The following COMMD10 variants were observed in gnomAD, a reference collection of about 807,000 sequenced individuals.
COMMD10 encodes the protein COMM domain containing 10.
COMMD10 carries 33 observed loss-of-function variants against 28.9 expected under a neutral mutation model. The ratio of observed to expected loss-of-function variants is 1.14; its 90% CI spans 0.87 to 1.53. COMMD10 has a LOEUF of 1.53. Among genes scored for constraint, COMMD10 ranks in the 40% most tolerant of loss-of-function variants. COMMD10 has a pLI of 0.00. For missense variants in COMMD10, 310 were observed against 233.4 expected, an observed-to-expected ratio of 1.33 and a Z score of -2.14; for synonymous variants, 110 against 81.7, an observed-to-expected ratio of 1.35 and a Z score of -1.87.
intron 5 of COMMD10, among the ~76,000 whole-genome samples, chr5:116,208,184 T>A (rs913031195): frequency 1.3e-5 from 2 of 152,184 alleles, no homozygotes; most frequent in Non-Finnish European, 2.9e-5. Flanking sequence ...TTGGCACTGA[T>A]GTTAGAAAAG....
intron 1 of COMMD10, chr5:116,085,732 C>G (rs919570493): frequency 2.0e-5 from 3 of 152,082 alleles, no homozygotes; most frequent in Non-Finnish European, 4.4e-5. Context: ...TAAAAAAAGA[C>G]TCAATTTGTG....
chr5:116,098,841 CAA>C (rs1490273217), intron 4 of COMMD10, among the ~76,000 whole-genome samples: 1 of 151,792 alleles, frequency 6.6e-6, no homozygotes, highest in Non-Finnish European at 1.5e-5. Flanking sequence ...AATTGATAAA[CAA>C]AAATTATGCG....
At chr5:116,270,921 G>A (rs959398603) in intron 5 of COMMD10, among the ~76,000 whole-genome samples, 1 of 151,520 alleles carries the variant, frequency 6.6e-6, no homozygotes, top group African/African-American at 2.4e-5. Flanking sequence ...CATGGGCAAC[G>A]AGCAAAACTC....
intron 5 of COMMD10, among the ~76,000 whole-genome samples, chr5:116,169,809 C>G (rs1292905338): frequency 6.6e-6 from 1 of 152,096 alleles, no homozygotes. Flanking sequence ...TAAAAACACT[C>G]AATAAACTAG....
At chr5:116,147,249 A>G (rs78466954) in intron 5 of COMMD10, among the ~76,000 whole-genome samples, 4,372 of 152,020 alleles carry the variant, frequency 0.029, 105 homozygotes, top group East Asian at 0.14. Context: ...TGATATTCAT[A>G]AAGCAGTGGG....
chr5:116,291,429 A>T (rs538575448), intron 5 of COMMD10, 88 bp from the exon 6 acceptor site: 2 of 891,594 alleles, frequency 2.2e-6, no homozygotes, highest in Non-Finnish European at 3.6e-6. Context: ...GGACAATCTT[A>T]TGTCATATTC....
In COMMD10 at chr5:116,116,584, G is replaced by A. The variant is rs112093365; in HGVS notation, c.400-17484G>A. ...TGTTACTTTAGTTTCGGTATGTTAT[G>A]TAAAAGGCATAGGTTTTCTGTATGC... is the stretch of plus-strand genomic sequence containing the variant. On this transcript the variant is annotated intron_variant, in intron 4 of 6. Transcript: ENST00000274458. Among the ~76,000 whole-genome samples, 1,259 of 152,190 alleles carry A rather than the reference G, an allele frequency of 8.3e-3. 23 individuals carry two copies. Among genetic ancestry groups the A allele is most frequent in the African/African-American group, 0.028 (1,171 of 41,522 alleles).
intron 5 of COMMD10, among the ~76,000 whole-genome samples, chr5:116,265,646 A>T (rs1228114461): frequency 6.6e-6 from 1 of 151,828 alleles, no homozygotes; most frequent in Non-Finnish European, 1.5e-5. Flanking sequence ...GTACATGTGG[A>T]ACATAAAAAA....
chr5:116,276,815 T>C (rs769501163), intron 5 of COMMD10, among the ~76,000 whole-genome samples: 14 of 151,660 alleles, frequency 9.2e-5, no homozygotes, highest in Non-Finnish European at 1.8e-4. Flanking sequence ...AGTAAGCAAA[T>C]CTGTTAGAAC....
rs1171658823 is a variant in COMMD10, at chr5:116,102,278, A to G, written c.399+9578A>G. Among the ~76,000 whole-genome samples the G allele has an allele frequency of 3.3e-5, 5 of 152,160 alleles. 1 individual carries two copies. Among genetic ancestry groups the G allele is most frequent in the African/African-American group, 1.2e-4 (5 of 41,424 alleles). ...TAGTCTCATTCTTCTGCTTTTGGCA[A>G]TGCAGTTTTCTCAGCACCATTTATT... On this transcript the variant is annotated intron_variant, in intron 4 of 6. Coordinates refer to ENST00000274458, the MANE Select transcript of COMMD10 (RefSeq NM_016144.4).
intron 5 of COMMD10, among the ~76,000 whole-genome samples, chr5:116,173,388 T>A (rs1753400213): frequency 6.6e-6 from 1 of 152,098 alleles, no homozygotes; most frequent in South Asian, 2.1e-4. Context: ...AGTATTAGAG[T>A]AGAAGTGTAA....
intron 5 of COMMD10, among the ~76,000 whole-genome samples, chr5:116,229,470 C>G (rs752878947): frequency 1.3e-5 from 2 of 152,028 alleles, no homozygotes; most frequent in Non-Finnish European, 2.9e-5. Flanking sequence ...AGCATTACCT[C>G]TATTCAACTG....
Position 116,201,113 on chromosome 5 carries a change from A to G in COMMD10, c.510+66935A>G, listed in dbSNP as rs570967641. On this transcript the variant is annotated intron_variant, in intron 5 of 6. Transcript: ENST00000274458. The stretch of plus-strand genomic sequence containing the variant: ...GGGTATTTTCTTTCTCCCACCTGGA[A>G]GGCTAGTGCCAACTGGAGTTGGATA... 2.5e-4 allele frequency among the ~76,000 whole-genome samples: 38 copies of G among 152,254 alleles called. 1 individual carries two copies. The South Asian group carries it at 7.9e-3, about 32-fold the overall frequency.
intron 5 of COMMD10, among the ~76,000 whole-genome samples, chr5:116,204,131 A>C: frequency 6.6e-6 from 1 of 152,096 alleles, no homozygotes; most frequent in Non-Finnish European, 1.5e-5. Context: ...CAAAGATCAA[A>C]AGAGACAAAG....
chr5:116,255,480 T>C (rs1453134441), intron 5 of COMMD10, among the ~76,000 whole-genome samples: 2 of 151,602 alleles, frequency 1.3e-5, no homozygotes, highest in African/African-American at 4.9e-5. Flanking sequence ...AGGAGCTCTT[T>C]TAGGGCAGGC....
chr5:116,249,685 T>C (rs992637275), intron 5 of COMMD10, among the ~76,000 whole-genome samples: 2 of 151,918 alleles, frequency 1.3e-5, no homozygotes, highest in Non-Finnish European at 2.9e-5. Context: ...AACTATATTG[T>C]AGTTTATAAA....
chr5:116,168,943 T>A (rs1395350981), intron 5 of COMMD10, among the ~76,000 whole-genome samples: 6 of 151,706 alleles, frequency 4.0e-5, no homozygotes, highest in Admixed American at 3.9e-4. Context: ...AGCAAACAAA[T>A]TCAAAAGCTA....
intron 5 of COMMD10, among the ~76,000 whole-genome samples, chr5:116,173,297 A>G (rs1015319369): frequency 3.9e-5 from 6 of 152,090 alleles, no homozygotes; most frequent in African/African-American, 1.4e-4. Context: ...TATCAGCGTT[A>G]TTTCTATGAG....
At chr5:116,218,164 G>T in intron 5 of COMMD10, 1 of 868,318 alleles carries the variant, frequency 1.2e-6, no homozygotes, top group Non-Finnish European at 2.0e-6. Flanking sequence ...TCTTTGCAGG[G>T]GCCTTTTTAG....
Sources: allele counts gnomAD v4.1 joint callset (sites outside exome capture counted in the v4.1 genomes callset), GRCh38; gene constraint gnomAD v4.1.1; transcripts MANE v1.5; gene names NCBI Gene and HGNC (gene_info 2026-07-23, HGNC 2026-07-21).